The following DAG1 variants were observed in gnomAD, a reference collection of about 807,000 sequenced individuals.
The protein encoded by DAG1 is dystroglycan 1 (dystrophin-associated glycoprotein 1).
In DAG1, 8 loss-of-function variants were observed where a neutral mutation model predicts 46.1. The observed-to-expected ratio is 0.17, with a 90% confidence interval of 0.10 to 0.31. DAG1 has a LOEUF of 0.31. DAG1 is among the 10% of genes least tolerant of loss of function. The pLI is 1.00. For synonymous variants in DAG1, 495 were observed against 481.8 expected (o/e 1.03, Z -0.36); for missense variants, 1,003 against 1,189.9 (o/e 0.84, Z 2.31).
At chr3:49,513,583 G>C (rs1190948957) in intron 2 of DAG1, among the ~76,000 whole-genome samples, 2 of 152,098 alleles carry the variant, frequency 1.3e-5, no homozygotes, top group African/African-American at 4.8e-5. Flanking sequence ...CCTTCAGCCT[G>C]CTCCCTTCTT....
At chr3:49,483,474 G>A (rs1160172214) in intron 1 of DAG1, among the ~76,000 whole-genome samples, 1 of 152,108 alleles carries the variant, frequency 6.6e-6, no homozygotes, top group East Asian at 1.9e-4. Flanking sequence ...AAAGTGCTGG[G>A]ATTACAGGCG....
chr3:49,505,883 T>C (rs2050592687), intron 1 of DAG1, among the ~76,000 whole-genome samples: 1 of 151,270 alleles, frequency 6.6e-6, no homozygotes, highest in Non-Finnish European at 1.5e-5. Context: ...TTGGCCAGGC[T>C]GGTCTCGAAC....
intron 2 of DAG1, among the ~76,000 whole-genome samples, chr3:49,516,813 G>T (rs1011978623): frequency 6.6e-6 from 1 of 152,056 alleles, no homozygotes; most frequent in East Asian, 1.9e-4. Flanking sequence ...TGTTATTGGG[G>T]GTTCAGATCT....
intron 1 of DAG1, among the ~76,000 whole-genome samples, chr3:49,476,167 T>C (rs1208952868): frequency 6.6e-6 from 1 of 152,212 alleles, no homozygotes; most frequent in Non-Finnish European, 1.5e-5. Context: ...ACTTTAGCAG[T>C]ATGTTGACTT....
At chr3:49,486,874 AT>A (rs1417519276) in intron 1 of DAG1, among the ~76,000 whole-genome samples, 1 of 151,538 alleles carries the variant, frequency 6.6e-6, no homozygotes. Context: ...ATAGTATTTG[AT>A]TTTTTTTGTT....
At position 49,530,687 on chromosome 3, in the gene DAG1, A is replaced by T. The variant is rs942591873; in HGVS notation, c.286-110A>T. On this transcript the variant is annotated intron_variant, in intron 2 of 2. Transcript: ENST00000308775. ...GGAGGAATCAGCTTCCCCAGCAGGCATTCTGAATTATACCTTAAACCTGTC... is the reference window on the plus strand; with the variant it reads ...GGAGGAATCAGCTTCCCCAGCAGGCTTTCTGAATTATACCTTAAACCTGTC... 1.2e-4 allele frequency: 179 copies of T among 1,503,206 alleles called. No individual in the cohort carries two copies. In the African/African-American group the frequency reaches 2.4e-3, roughly 20 times the overall value. 93.1% of individuals were successfully genotyped at this position (1,503,206 alleles called of 1,614,324 possible).
intron 1 of DAG1, among the ~76,000 whole-genome samples, chr3:49,494,274 G>A (rs1391795525): frequency 3.3e-5 from 5 of 152,172 alleles, no homozygotes; most frequent in African/African-American, 9.7e-5. Flanking sequence ...ATATTCTGCA[G>A]TGAATATGCC....
At chr3:49,516,068 ATTCT>A (rs1221958511) in intron 2 of DAG1, among the ~76,000 whole-genome samples, 2 of 151,678 alleles carry the variant, frequency 1.3e-5, no homozygotes, top group Non-Finnish European at 2.9e-5. Context: ...CAAGCTTTTG[ATTCT>A]TTCTTCTTTT....
intron 1 of DAG1, chr3:49,488,709 T>TC (rs2050104582): frequency 6.6e-6 from 1 of 152,138 alleles, no homozygotes; most frequent in African/African-American, 2.4e-5. Flanking sequence ...GTCAAGCGAT[T>TC]CCCCTGCCTC....
chr3:49,533,517 A>G lies in DAG1; in HGVS notation c.*318A>G. 1 of 555,636 alleles carries G rather than the reference A, an allele frequency of 1.8e-6. No homozygotes were observed. Among genetic ancestry groups the G allele is most frequent in the Non-Finnish European group, 3.4e-6 (1 of 296,036 alleles). The allele number at this position is 555,636 out of a possible 1,614,324, so 34.4% of individuals were successfully genotyped here. A position where few individuals can be genotyped will look rare whatever the true frequency, so the allele number is the denominator to read the frequency against. ...GGAGTGGAGGTGGAGGGAGCGAGGA[A>G]CCATGAATGAACTCGCAGGCAGTGC... On this transcript the variant is annotated 3_prime_UTR_variant, in exon 3 of 3. Transcript: ENST00000308775.
Position 49,510,444 on chromosome 3 carries a change from G to A in DAG1, c.-91G>A, listed in dbSNP as rs928222609. On this transcript the variant is annotated 5_prime_UTR_variant, in exon 2 of 3. Coordinates refer to ENST00000308775, the MANE Select transcript of DAG1 (RefSeq NM_004393.6). ...GCTCTGTGTGCTCCGGGATGGAGCA[G>A]GTGTGCAGAGGGTGAGAACCCAGCT... The A allele has an allele frequency of 6.4e-6, 8 of 1,247,610 alleles. No homozygotes were observed. In the Admixed American group the frequency reaches 1.2e-4, roughly 18 times the overall value. The allele number at this position is 1,247,610 out of a possible 1,614,324, so 77.3% of individuals were successfully genotyped here.
intron 2 of DAG1, among the ~76,000 whole-genome samples, chr3:49,524,612 T>C (rs1355099244): frequency 6.6e-6 from 1 of 152,064 alleles, no homozygotes; most frequent in Admixed American, 6.6e-5. Context: ...GCCCAGGAGT[T>C]TGAGGTTGCA....
chr3:49,513,585 TC>T (rs1465608563), intron 2 of DAG1, among the ~76,000 whole-genome samples: 1 of 152,118 alleles, frequency 6.6e-6, no homozygotes, highest in African/African-American at 2.4e-5. Context: ...TTCAGCCTGC[TC>T]CCTTCTTGTG....
At position 49,531,893 on chromosome 3, in the gene DAG1, G is replaced by A. The variant is rs755343255; in HGVS notation, c.1382G>A (p.Arg461Gln). The change falls in exon 3 of 3, where the codon CGG becomes CAG. Residue 461 changes from arginine (R) to glutamine (Q), a missense_variant. Coordinates refer to ENST00000308775, the MANE Select transcript of DAG1 (RefSeq NM_004393.6). The surrounding 1 kb of genome is among the most constrained non-coding windows in gnomAD (Gnocchi z 7.0). ...CCACGGACACCCCGGCCAGTGCCCCGGGTCACCACCAAAGTTTCCATCACC... is the reference window on the plus strand; with the variant it reads ...CCACGGACACCCCGGCCAGTGCCCCAGGTCACCACCAAAGTTTCCATCACC... ...KKPRTPRPVPRVTTKVSITRL... is the reference protein window; with the variant it reads ...KKPRTPRPVPQVTTKVSITRL... 5.6e-6 allele frequency: 9 copies of A among 1,613,896 alleles called. No homozygotes were observed. The highest frequency in any genetic ancestry group is 2.2e-5 in the East Asian group (1 of 44,886).
chr3:49,504,761 A>ATTTT (rs57684297), intron 1 of DAG1, among the ~76,000 whole-genome samples: 9 of 89,924 alleles, frequency 1.0e-4, no homozygotes, highest in East Asian at 7.6e-4. Flanking sequence ...CGCCCAGCTA[A>ATTTT]TTTTTTTTTT....
At chr3:49,487,524 A>G (rs1575353036) in intron 1 of DAG1, 2 of 152,208 alleles carry the variant, frequency 1.3e-5, no homozygotes, top group South Asian at 2.1e-4. Context: ...TCTGCCCTTC[A>G]TGTGCTCAGC....
chr3:49,492,105 T>C (rs1186086100), intron 1 of DAG1, among the ~76,000 whole-genome samples: 1 of 151,974 alleles, frequency 6.6e-6, no homozygotes, highest in Non-Finnish European at 1.5e-5. Context: ...TTTTGTATTT[T>C]TAGTAGAGAC....
intron 1 of DAG1, among the ~76,000 whole-genome samples, chr3:49,474,976 T>C (rs1370352132): frequency 6.6e-6 from 1 of 151,486 alleles, no homozygotes; most frequent in Non-Finnish European, 1.5e-5. Flanking sequence ...CGCGCCCAGC[T>C]AATTTTTTTG....
At chr3:49,496,767 C>T (rs1366039361) in intron 1 of DAG1, among the ~76,000 whole-genome samples, 3 of 151,790 alleles carry the variant, frequency 2.0e-5, no homozygotes, top group Non-Finnish European at 4.4e-5. Context: ...GCTGGGACTA[C>T]AGGCATGCAC....
Sources: gnomAD v4.1 joint callset for allele counts (sites outside exome capture counted in the v4.1 genomes callset) on GRCh38, gnomAD v4.1.1 for gene constraint, Gnocchi (gnomAD v3.1) non-coding constraint, MANE v1.5 for transcripts, NCBI Gene and HGNC (gene_info 2026-07-23, HGNC 2026-07-21) for gene names.